KCNIP4: variants seen among roughly 807,000 people sequenced by gnomAD.
The protein encoded by KCNIP4 is potassium voltage-gated channel interacting protein 4.
Under a neutral mutation model 34.0 loss-of-function variants are expected in KCNIP4, and 12 were observed. The ratio of observed to expected loss-of-function variants is 0.35; its 90% CI spans 0.23 to 0.57. KCNIP4 has a LOEUF of 0.57. Ranked by LOEUF, KCNIP4 falls within the 20% of genes least tolerant of loss-of-function variation. The pLI is 0.83. For missense variants in KCNIP4, 238 were observed against 311.7 expected (o/e 0.76, Z 1.78); for synonymous variants, 124 against 102.2 (o/e 1.21, Z -1.29).
At chr4:21,505,962 G>A (rs944497266) in intron 1 of KCNIP4, among the ~76,000 whole-genome samples, 51 of 152,080 alleles carry the variant, frequency 3.4e-4, no homozygotes, top group African/African-American at 1.2e-3. Context: ...AATTAGCAGG[G>A]TGTGGTGGCA....
intron 4 of KCNIP4, among the ~76,000 whole-genome samples, chr4:20,751,719 A>G (rs1250449279): frequency 1.3e-5 from 2 of 152,224 alleles, no homozygotes; most frequent in Admixed American, 1.3e-4. Context: ...TAACATGGGT[A>G]TATGATAATT....
rs1748517334 is a variant in KCNIP4 at position 21,662,351 on chromosome 4, T to TAA, written c.61+286219_61+286220insTT. 2.0e-5 allele frequency among the ~76,000 whole-genome samples: 3 copies of TAA among 152,354 alleles called. No individual in the cohort carries two copies. The East Asian group carries it at 5.8e-4, about 29-fold the overall frequency. Reference sequence around the variant, plus strand: ...AAAAAATGTCCAAAGTCACACAGTTTACAATCTGAATGCAGTGATTTCTCC... The same window carrying TAA: ...AAAAAATGTCCAAAGTCACACAGTTTAAACAATCTGAATGCAGTGATTTCTCC... On this transcript the variant is annotated intron_variant, in intron 1 of 8. Transcript: ENST00000382152.
At chr4:21,280,085 C>T (rs1336397896) in intron 1 of KCNIP4, among the ~76,000 whole-genome samples, 1 of 152,130 alleles carries the variant, frequency 6.6e-6, no homozygotes, top group Non-Finnish European at 1.5e-5. Context: ...TTTGATGTTG[C>T]ATTAGCAGAA....
Position 20,888,997 on chromosome 4 carries a change from A to G in KCNIP4, c.62-6288T>C, listed in dbSNP as rs577755674. Among the ~76,000 whole-genome samples the G allele has an allele frequency of 6.6e-5, 10 of 152,262 alleles. No homozygotes were observed. In the South Asian group the frequency reaches 1.5e-3, roughly 22 times the overall value. On this transcript the variant is annotated intron_variant, in intron 1 of 8. Transcript: ENST00000382152. ...TACTTATTACAATTTTTACTATAGGAGTGTAACAGGTAAAATTAATCTCTA... is the reference window on the plus strand; with the variant it reads ...TACTTATTACAATTTTTACTATAGGGGTGTAACAGGTAAAATTAATCTCTA...
intron 1 of KCNIP4, among the ~76,000 whole-genome samples, chr4:21,371,594 T>G (rs1483205297): frequency 1.4e-5 from 2 of 147,070 alleles, no homozygotes; most frequent in Non-Finnish European, 2.9e-5. Context: ...TTAAATCATA[T>G]GGATAAAATA....
At chr4:20,947,226 TG>T (rs1732280742) in intron 1 of KCNIP4, among the ~76,000 whole-genome samples, 1 of 152,196 alleles carries the variant, frequency 6.6e-6, no homozygotes, top group Non-Finnish European at 1.5e-5. Context: ...TGGAGTGCAG[TG>T]GTGCCATCTC....
Position 20,847,242 on chromosome 4 carries a change from G to A in KCNIP4, c.288+3301C>T, listed in dbSNP as rs139731403. Among the ~76,000 whole-genome samples the A allele has an allele frequency of 3.1e-4, 47 of 152,090 alleles. No homozygotes were observed. The East Asian group carries it at 7.2e-3, about 23-fold the overall frequency. On this transcript the variant is annotated intron_variant, in intron 3 of 8. Transcript: ENST00000382152. The stretch of plus-strand genomic sequence containing the variant: ...CCCAGTTTATAGACAAAGACACATC[G>A]TCTCCTGAGTCAGAGGGAACTGCCC...
chr4:21,433,111 T>C (rs1726634290), intron 1 of KCNIP4, among the ~76,000 whole-genome samples: 1 of 152,200 alleles, frequency 6.6e-6, no homozygotes, highest in Non-Finnish European at 1.5e-5. Flanking sequence ...CCAATATTAT[T>C]GCCTTATAGT....
intron 1 of KCNIP4, among the ~76,000 whole-genome samples, chr4:21,723,399 C>T (rs1714967231): frequency 6.6e-6 from 1 of 152,070 alleles, no homozygotes; most frequent in Admixed American, 6.6e-5. Flanking sequence ...TTCTGATGAG[C>T]TTTTAAACCC....
chr4:21,489,276 A>G (rs1976300), intron 1 of KCNIP4, among the ~76,000 whole-genome samples: 67,254 of 149,280 alleles, frequency 0.45, 15,722 homozygotes, highest in Non-Finnish European at 0.52. Flanking sequence ...AAAGAAAAAG[A>G]GAGAATCCCA....
intron 1 of KCNIP4, among the ~76,000 whole-genome samples, chr4:21,090,824 C>T (rs1011183509): frequency 4.6e-5 from 7 of 151,986 alleles, no homozygotes; most frequent in Non-Finnish European, 1.0e-4. Context: ...TCTCTTCACA[C>T]GTTTGTGAAA....
chr4:21,138,904 C>G (rs1751719594), intron 1 of KCNIP4, among the ~76,000 whole-genome samples: 1 of 152,094 alleles, frequency 6.6e-6, no homozygotes, highest in Admixed American at 6.6e-5. Flanking sequence ...CCTAGAGTCT[C>G]CAGAAAGAAA....
chr4:21,174,682 C>G (rs573339203), intron 1 of KCNIP4, among the ~76,000 whole-genome samples: 46 of 151,946 alleles, frequency 3.0e-4, no homozygotes, highest in South Asian at 1.7e-3. Flanking sequence ...GGCAGATCAC[C>G]TGGGGTCAGG....
intron 1 of KCNIP4, among the ~76,000 whole-genome samples, chr4:21,770,569 C>T (rs190733138): frequency 3.3e-5 from 5 of 152,266 alleles, no homozygotes; most frequent in Admixed American, 2.6e-4. Context: ...TACATTCCCA[C>T]CAACAGTGTA....
At chr4:21,573,636 G>A (rs188106373) in intron 1 of KCNIP4, among the ~76,000 whole-genome samples, 1 of 152,024 alleles carries the variant, frequency 6.6e-6, no homozygotes, top group Non-Finnish European at 1.5e-5. Flanking sequence ...GTGTTCTCTA[G>A]TACCTAAATT....
At chr4:20,804,379 T>A (rs968271655) in intron 3 of KCNIP4, among the ~76,000 whole-genome samples, 2 of 152,202 alleles carry the variant, frequency 1.3e-5, no homozygotes, top group African/African-American at 4.8e-5. Context: ...TTTACCACAC[T>A]GCTGTACTTT....
At chr4:20,953,079 A>G (rs1408997242) in intron 1 of KCNIP4, among the ~76,000 whole-genome samples, 1 of 152,246 alleles carries the variant, frequency 6.6e-6, no homozygotes, top group Non-Finnish European at 1.5e-5. Context: ...GTTTGAAAAT[A>G]TGAATTTTGG....
intron 1 of KCNIP4, among the ~76,000 whole-genome samples, chr4:21,445,526 G>T (rs560006421): frequency 1.4e-4 from 22 of 152,274 alleles, no homozygotes; most frequent in African/African-American, 5.1e-4. Context: ...AATGGGGAAA[G>T]GATTCCCTAT....
intron 1 of KCNIP4, among the ~76,000 whole-genome samples, chr4:21,838,644 A>G (rs28399068): frequency 0.015 from 2,267 of 152,286 alleles, 47 homozygotes; most frequent in African/African-American, 0.051. Context: ...CACTTAAAAG[A>G]TAGTACAGCC....
Sources: gnomAD v4.1 joint callset for allele counts (sites outside exome capture counted in the v4.1 genomes callset) on GRCh38, gnomAD v4.1.1 for gene constraint, MANE v1.5 for transcripts, NCBI Gene and HGNC (gene_info 2026-07-23, HGNC 2026-07-21) for gene names.